Variants in NYAP2 observed in about 807,000 individuals in gnomAD.
NYAP2 encodes neuronal tyrosine-phosphorylated phosphoinositide-3-kinase adapter 2.
A neutral mutation model predicts 50.4 loss-of-function variants in NYAP2; 23 were observed. The observed-to-expected ratio is 0.46, with a 90% CI of 0.33 to 0.65. NYAP2 has a LOEUF of 0.65. Ranked by LOEUF, NYAP2 falls within the 30% of genes least tolerant of loss-of-function variation. NYAP2 has a pLI of 0.02. For missense variants in NYAP2, 885 were observed against 861.0 expected (o/e 1.03, Z -0.35); for synonymous variants, 394 against 365.2 (o/e 1.08, Z -0.90).
intron 5 of NYAP2, among the ~76,000 whole-genome samples, chr2:225,588,649 T>G (rs1035528936): frequency 2.0e-5 from 3 of 152,236 alleles, no homozygotes; most frequent in Non-Finnish European, 4.4e-5. Context: ...TTAAATATAT[T>G]TCTACTTTTA....
chr2:225,644,941 T>C (rs1693602115), intron 6 of NYAP2, among the ~76,000 whole-genome samples: 1 of 152,092 alleles, frequency 6.6e-6, no homozygotes, highest in Non-Finnish European at 1.5e-5. Flanking sequence ...TTTGGTTCCA[T>C]AAAAAGCAAT....
chr2:225,509,652 G>C (rs1484024067), intron 3 of NYAP2, among the ~76,000 whole-genome samples: 2 of 152,184 alleles, frequency 1.3e-5, no homozygotes, highest in Non-Finnish European at 2.9e-5. Context: ...TGTTCAATGG[G>C]ACACTTCCTG....
At chr2:225,444,300 C>T (rs774392391) in intron 3 of NYAP2, among the ~76,000 whole-genome samples, 5 of 152,130 alleles carry the variant, frequency 3.3e-5, no homozygotes, top group Admixed American at 1.3e-4. Context: ...AGTAAAATTA[C>T]GTGCACTGAT....
the NYAP2 span, among the ~76,000 whole-genome samples, chr2:225,689,539 C>A: frequency 6.6e-6 from 1 of 152,056 alleles, no homozygotes; most frequent in Non-Finnish European, 1.5e-5. Context: ...CATTCAAAAG[C>A]AACTCTGAAA....
intron 3 of NYAP2, among the ~76,000 whole-genome samples, chr2:225,468,847 G>A (rs900804939): frequency 6.6e-6 from 1 of 152,168 alleles, no homozygotes; most frequent in Non-Finnish European, 1.5e-5. Context: ...TGTGTAACCT[G>A]TAAAGGTAAT....
intron 3 of NYAP2, among the ~76,000 whole-genome samples, chr2:225,510,682 A>G (rs1209537088): frequency 6.6e-6 from 1 of 152,020 alleles, no homozygotes; most frequent in Non-Finnish European, 1.5e-5. Context: ...CTATTTCTTC[A>G]TCTTGTATTT....
At chr2:225,403,527 G>A (rs1409905086) in intron 2 of NYAP2, among the ~76,000 whole-genome samples, 1 of 151,846 alleles carries the variant, frequency 6.6e-6, no homozygotes, top group African/African-American at 2.4e-5. Context: ...AATTAAGGAA[G>A]CTTCTCATAG....
intron 3 of NYAP2, among the ~76,000 whole-genome samples, chr2:225,512,929 C>T (rs530879221): frequency 2.1e-5 from 3 of 145,474 alleles, no homozygotes; most frequent in South Asian, 4.3e-4. Flanking sequence ...TTCTTTCTTT[C>T]GTAACAGAAC....
intron 4 of NYAP2, among the ~76,000 whole-genome samples, chr2:225,556,539 A>G (rs1691778883): frequency 6.6e-6 from 1 of 152,144 alleles, no homozygotes; most frequent in South Asian, 2.1e-4. Flanking sequence ...CTCCTCAGTC[A>G]TTAGTATCCA....
intron 3 of NYAP2, among the ~76,000 whole-genome samples, chr2:225,484,150 G>C (rs1048746394): frequency 6.6e-6 from 1 of 152,190 alleles, no homozygotes; most frequent in African/African-American, 2.4e-5. Flanking sequence ...ATTTTGCTAA[G>C]AGTGGCATTT....
At chr2:225,552,237 A>G (rs1691690863) in intron 4 of NYAP2, among the ~76,000 whole-genome samples, 1 of 152,220 alleles carries the variant, frequency 6.6e-6, no homozygotes, top group Non-Finnish European at 1.5e-5. Context: ...GACCATGCCC[A>G]GTCATAAATA....
intron 3 of NYAP2, among the ~76,000 whole-genome samples, chr2:225,468,409 C>A (rs1689958147): frequency 6.6e-6 from 1 of 152,136 alleles, no homozygotes; most frequent in South Asian, 2.1e-4. Flanking sequence ...GCATGTGGTT[C>A]TTTTAATGGC....
intron 4 of NYAP2, among the ~76,000 whole-genome samples, chr2:225,565,467 G>C (rs974656937): frequency 6.6e-6 from 1 of 152,140 alleles, no homozygotes; most frequent in African/African-American, 2.4e-5. Flanking sequence ...CATAGAATCT[G>C]TATTTATTGG....
At chr2:225,423,321 A>G (rs1695243026) in intron 3 of NYAP2, among the ~76,000 whole-genome samples, 1 of 152,226 alleles carries the variant, frequency 6.6e-6, no homozygotes, top group Non-Finnish European at 1.5e-5. Flanking sequence ...TTAGAATTCT[A>G]AAAGAAAGTC....
intron 3 of NYAP2, among the ~76,000 whole-genome samples, chr2:225,490,449 G>A (rs557289225): frequency 3.4e-4 from 51 of 152,198 alleles, no homozygotes; most frequent in Non-Finnish European, 6.9e-4. Context: ...CATTTTGTAA[G>A]TAAAGAGAAA....
intron 6 of NYAP2, among the ~76,000 whole-genome samples, chr2:225,641,553 G>T (rs534098248): frequency 9.2e-5 from 14 of 151,506 alleles, no homozygotes; most frequent in African/African-American, 3.2e-4. Context: ...GGTGGCTCAC[G>T]TCCGTTATCC....
chr2:225,561,122 A>T (rs1691864611), intron 4 of NYAP2, among the ~76,000 whole-genome samples: 1 of 152,098 alleles, frequency 6.6e-6, no homozygotes, highest in South Asian at 2.1e-4. Flanking sequence ...ATAAGTAAAT[A>T]TGATGGCAGT....
intron 3 of NYAP2, among the ~76,000 whole-genome samples, chr2:225,512,532 C>T (rs1329511235): frequency 1.3e-5 from 2 of 148,412 alleles, no homozygotes; most frequent in African/African-American, 5.0e-5. Context: ...TTCTTCTCTT[C>T]TCTTTTTCCT....
At chr2:225,507,127 T>C (rs1690721231) in intron 3 of NYAP2, among the ~76,000 whole-genome samples, 1 of 152,198 alleles carries the variant, frequency 6.6e-6, no homozygotes, top group African/African-American at 2.4e-5. Context: ...AATATCTTTA[T>C]CTACTTATCT....
Sources: allele counts gnomAD v4.1 joint callset (sites outside exome capture counted in the v4.1 genomes callset), GRCh38; gene constraint gnomAD v4.1.1; transcripts MANE v1.5; gene names NCBI Gene and HGNC (gene_info 2026-07-23, HGNC 2026-07-21).